Variants in C7 observed in about 807,000 individuals in gnomAD.
The protein encoded by C7 is complement component C7.
In C7, 83 loss-of-function variants were observed where a neutral mutation model predicts 104.8. The observed-to-expected ratio is 0.79, with a 90% confidence interval of 0.66 to 0.95. The LOEUF (loss-of-function observed/expected upper bound fraction) is 0.95. Among genes scored for constraint, C7 ranks in the 40% least tolerant of loss-of-function variants. The probability of loss-of-function intolerance (pLI) is 0.00; values close to 1 mark genes in which losing one functional copy is unlikely to be tolerated. For missense variants in C7, 1,070 were observed against 1,011.2 expected (o/e 1.06, Z -0.79); for synonymous variants, 415 against 360.6 (o/e 1.15, Z -1.71).
At chr5:40,957,246 A>G (rs1740306645) in intron 10 of C7, among the ~76,000 whole-genome samples, 1 of 152,196 alleles carries the variant, frequency 6.6e-6, no homozygotes. Context: ...GTTAAAACTG[A>G]GTCAGCACAT....
At chr5:40,924,151 A>G (rs1176963617) in intron 1 of C7, among the ~76,000 whole-genome samples, 1 of 152,212 alleles carries the variant, frequency 6.6e-6, no homozygotes, top group Non-Finnish European at 1.5e-5. Context: ...TACTTCCAAG[A>G]TAGAATTGGG....
chr5:40,959,893 T>A (rs927138944), intron 12 of C7, among the ~76,000 whole-genome samples: 1 of 152,198 alleles, frequency 6.6e-6, no homozygotes, highest in African/African-American at 2.4e-5. Context: ...ACCTACTTGC[T>A]GTGTGACCTT....
chr5:40,972,714 T>C (rs1264373794), intron 15 of C7, 120 bp downstream of exon 15: 2 of 741,596 alleles, frequency 2.7e-6, no homozygotes, highest in East Asian at 5.1e-5. Flanking sequence ...TCTTGCTCCT[T>C]AAGATAGGGT....
chr5:40,977,034 G>A (rs115911870), intron 16 of C7, among the ~76,000 whole-genome samples, 194 bp downstream of exon 16: 3 of 152,222 alleles, frequency 2.0e-5, no homozygotes, highest in African/African-American at 4.8e-5. Context: ...GCATTAAGCA[G>A]TGTTCTAATC....
At chr5:40,956,557 G>T (rs1365673185) in intron 10 of C7, among the ~76,000 whole-genome samples, 4 of 152,232 alleles carry the variant, frequency 2.6e-5, no homozygotes, top group Non-Finnish European at 4.4e-5. Context: ...TCTCAAATCT[G>T]TGCTATACTC....
chr5:40,979,635 C>A (rs1463778420), intron 16 of C7, 90 bp from the exon 17 acceptor site: 2 of 946,454 alleles, frequency 2.1e-6, no homozygotes, highest in Non-Finnish European at 3.0e-6. Flanking sequence ...CATCTGGGGG[C>A]ACTAAGCTCA....
In C7 at chr5:40,984,025, T is replaced by A. The variant is rs1342450204; in HGVS notation, c.*2452T>A. 6.6e-6 allele frequency among the ~76,000 whole-genome samples: 1 copy of A among 152,184 alleles called. No homozygotes were observed. Among genetic ancestry groups the A allele is most frequent in the Non-Finnish European group, 1.5e-5 (1 of 68,038 alleles). On this transcript the variant is annotated 3_prime_UTR_variant, in exon 18 of 18. Transcript: ENST00000313164. ...GGAGCTATGTGGAGGCCAAGGCACA[T>A]CCTACAGATCATCGCTTACCACTCA...
intron 1 of C7, among the ~76,000 whole-genome samples, chr5:40,911,801 C>T (rs775185909): frequency 5.4e-5 from 8 of 149,364 alleles, no homozygotes; most frequent in African/African-American, 1.7e-4. Flanking sequence ...TGCAGAGGTA[C>T]GATCTCTGCT....
intron 13 of C7, among the ~76,000 whole-genome samples, chr5:40,962,925 C>T (rs1000830977): frequency 1.3e-5 from 2 of 152,100 alleles, no homozygotes; most frequent in Non-Finnish European, 2.9e-5. Context: ...ACTGTTTCCC[C>T]AAATGTAGGC....
chr5:40,959,687 CAT>C, intron 12 of C7, 67 bp downstream of exon 12: 1 of 1,209,630 alleles, frequency 8.3e-7, no homozygotes. Flanking sequence ...GCATGGAACA[CAT>C]GATTGCTGCT....
intron 10 of C7, among the ~76,000 whole-genome samples, chr5:40,956,718 A>T (rs1460861489): frequency 1.3e-5 from 2 of 152,250 alleles, no homozygotes; most frequent in Non-Finnish European, 2.9e-5. Context: ...AAACTCAAAA[A>T]TTGCAATAGG....
chr5:40,944,257 C>T (rs1159346356), intron 6 of C7, among the ~76,000 whole-genome samples: 1 of 152,166 alleles, frequency 6.6e-6, no homozygotes, highest in Admixed American at 6.5e-5. Flanking sequence ...AGTCTTCTTG[C>T]CTGATTTGTT....
rs150783462 is a variant in C7 at position 40,943,048 on chromosome 5, C to T, written c.568-2150C>T. Among the ~76,000 whole-genome samples, 786 of 152,324 alleles carry T rather than the reference C, an allele frequency of 5.2e-3. 4 individuals carry two copies. The highest frequency in any genetic ancestry group is 0.016 in the African/African-American group (685 of 41,578). On this transcript the variant is annotated intron_variant, in intron 6 of 17. Transcript: ENST00000313164. ...AAGTGCTGGGATTACAGGCATAAGC[C>T]GCCACGCCCATGCCTGGCCTAGCAA...
chr5:40,984,228 T>C lies in C7; in HGVS notation c.*2655T>C, dbSNP rs142758880. On this transcript the variant is annotated 3_prime_UTR_variant, in exon 18 of 18. Transcript: ENST00000313164. ...AAACTGTTATTAATGTAACCTTCTT[T>C]CCCAGTGCAGGATGACTTGTAATCA... Among the ~76,000 whole-genome samples the C allele has an allele frequency of 3.4e-3, 521 of 152,316 alleles. No homozygotes were observed. Among genetic ancestry groups the C allele is most frequent in the Middle Eastern group, 0.014 (4 of 294 alleles).
chr5:40,935,290 C>G (rs1014498536), intron 4 of C7, among the ~76,000 whole-genome samples: 5 of 152,164 alleles, frequency 3.3e-5, no homozygotes, highest in Admixed American at 3.3e-4. Flanking sequence ...CTGAATGTCT[C>G]TCTTGGTGAA....
chr5:40,942,214 TAG>T (rs775858939), intron 6 of C7, among the ~76,000 whole-genome samples: 1 of 152,092 alleles, frequency 6.6e-6, no homozygotes, highest in Non-Finnish European at 1.5e-5. Flanking sequence ...GATGGGAAAG[TAG>T]GAAAGAAGGA....
In C7 at chr5:40,984,511, G is replaced by T. The variant is rs574234404; in HGVS notation, c.*2938G>T. On this transcript the variant is annotated 3_prime_UTR_variant, in exon 18 of 18. Coordinates refer to ENST00000313164, the MANE Select transcript of C7 (RefSeq NM_000587.4). Reference sequence around the variant, plus strand: ...AAGTGCTGAGCAGCTGGTTTATACAGCATTCCCTGAAACAGCCTAGTATGT... The same window carrying T: ...AAGTGCTGAGCAGCTGGTTTATACATCATTCCCTGAAACAGCCTAGTATGT... Among the ~76,000 whole-genome samples, 1 of 152,292 alleles carries T rather than the reference G, an allele frequency of 6.6e-6. No homozygotes were observed. The highest frequency in any genetic ancestry group is 2.4e-5 in the African/African-American group (1 of 41,566).
At chr5:40,975,616 G>A (rs531663405) in intron 15 of C7, among the ~76,000 whole-genome samples, 2 of 152,100 alleles carry the variant, frequency 1.3e-5, no homozygotes, top group African/African-American at 4.8e-5. Context: ...TGCCTGCCTC[G>A]GCCTCCCAAA....
At chr5:40,975,949 G>A (rs1350084876) in intron 15 of C7, among the ~76,000 whole-genome samples, 1 of 152,158 alleles carries the variant, frequency 6.6e-6, no homozygotes, top group Non-Finnish European at 1.5e-5. Flanking sequence ...ATTACGAGGT[G>A]AAAAAAGTCA....
Sources: gnomAD v4.1 joint callset for allele counts (sites outside exome capture counted in the v4.1 genomes callset) on GRCh38, gnomAD v4.1.1 for gene constraint, MANE v1.5 for transcripts, NCBI Gene and HGNC (gene_info 2026-07-23, HGNC 2026-07-21) for gene names.